The following SMARCAL1 variants were observed in gnomAD, a reference collection of about 807,000 sequenced individuals.
SMARCAL1 encodes the protein SNF2 related chromatin remodeling annealing helicase 1.
A neutral mutation model predicts 94.5 loss-of-function variants in SMARCAL1; 58 were observed. The observed-to-expected ratio is 0.61, with a 90% CI of 0.50 to 0.76. The LOEUF (loss-of-function observed/expected upper bound fraction) is 0.76, where lower values mean the gene tolerates loss of function less well. Ranked by LOEUF, SMARCAL1 falls within the 30% of genes least tolerant of loss-of-function variation. SMARCAL1 has a pLI of 0.00. For missense variants in SMARCAL1, 1,051 were observed against 1,177.9 expected, an observed-to-expected ratio of 0.89 and a Z score of 1.58; for synonymous variants, 422 against 455.1, an observed-to-expected ratio of 0.93 and a Z score of 0.93.
intron 13 of SMARCAL1, 47 bp from the exon 14 acceptor site, chr2:216,467,897 A>AT: frequency 2.7e-6 from 3 of 1,130,880 alleles, no homozygotes; most frequent in Non-Finnish European, 4.0e-6. Context: ...CACATAAAAC[A>AT]TAAGGAGTAT....
At position 216,414,711 on chromosome 2, in the gene SMARCAL1, T is replaced by G. The variant is rs776954061; in HGVS notation, c.7T>G (p.Leu3Val). 1 of 1,613,756 alleles carries G rather than the reference T, an allele frequency of 6.2e-7. No individual in the cohort carries two copies. Among genetic ancestry groups the G allele is most frequent in the African/African-American group, 1.3e-5 (1 of 74,938 alleles). The change falls in exon 3 of 18, where the codon TTG (leucine) becomes GTG (valine). Residue 3 changes from leucine to valine, a missense_variant. Coordinates refer to ENST00000357276, the MANE Select transcript of SMARCAL1 (RefSeq NM_014140.4). MSLPLTEEQRKKI... is the reference protein window; with the variant it reads MSVPLTEEQRKKI... ...TAAGCATTTCTCTGTGAAAATGTCC[T>G]TGCCTCTTACAGAGGAGCAGAGGAA...
intron 14 of SMARCAL1, among the ~76,000 whole-genome samples, chr2:216,473,028 G>A (rs948660259): frequency 1.3e-5 from 2 of 152,142 alleles, no homozygotes; most frequent in African/African-American, 4.8e-5. Flanking sequence ...TAGCATTCTT[G>A]AGGTATAATT....
chr2:216,435,343 C>G lies in SMARCAL1; in HGVS notation c.1491C>G (p.Phe497Leu). The part of the protein sequence containing the change: ...SSVRFTWEQA[F>L]LRWLPSLSPD... ...TTCCCTCCTGTCATCCACAGGCCTT[C>G]CTTCGGTGGCTGCCATCTCTGAGCC... The change falls in exon 9 of 18, where the codon TTC (phenylalanine) becomes TTG (leucine). Residue 497 changes from phenylalanine to leucine, a missense_variant. Physicochemically the swap from Phe to Leu is conservative, Grantham distance 22. Around this residue, in one of 3 missense-constraint regions of SMARCAL1, gnomAD observed 642 missense variants for 754.7 expected, o/e 0.85. Transcript: ENST00000357276. The G allele has an allele frequency of 6.2e-7, 1 of 1,614,106 alleles. No individual in the cohort carries two copies. Among genetic ancestry groups the G allele is most frequent in the East Asian group, 2.2e-5 (1 of 44,884 alleles).
intron 1 of SMARCAL1, 198 bp downstream of exon 1, chr2:216,412,846 T>G (rs2276665): frequency 0.41 from 62,706 of 151,962 alleles, 13,327 homozygotes; most frequent in South Asian, 0.48. Flanking sequence ...GGGGCAGAGG[T>G]CCCTGCCTAG....
intron 12 of SMARCAL1, among the ~76,000 whole-genome samples, chr2:216,455,454 A>G (rs1694543870): frequency 6.6e-6 from 1 of 152,214 alleles, no homozygotes; most frequent in Admixed American, 6.5e-5. Context: ...ACCCCTGAGT[A>G]GGGGCAGACT....
intron 6 of SMARCAL1, among the ~76,000 whole-genome samples, chr2:216,427,912 A>G (rs1173825098): frequency 1.3e-5 from 2 of 152,220 alleles, no homozygotes; most frequent in African/African-American, 2.4e-5. Context: ...AGGATTTCAA[A>G]TAATATTGGA....
At chr2:216,440,715 T>C (rs755398784) in intron 10 of SMARCAL1, among the ~76,000 whole-genome samples, 4 of 152,190 alleles carry the variant, frequency 2.6e-5, no homozygotes, top group Non-Finnish European at 5.9e-5. Flanking sequence ...CTCTGTCTTA[T>C]TGTATTTTCG....
intron 5 of SMARCAL1, among the ~76,000 whole-genome samples, chr2:216,422,853 A>G (rs1001986515): frequency 1.3e-5 from 2 of 152,232 alleles, no homozygotes; most frequent in African/African-American, 4.8e-5. Context: ...ATCAGCCACC[A>G]TTGGGTAGAA....
At chr2:216,429,730 G>A (rs189902769) in intron 7 of SMARCAL1, among the ~76,000 whole-genome samples, 26 of 152,076 alleles carry the variant, frequency 1.7e-4, no homozygotes, top group Non-Finnish European at 2.8e-4. Flanking sequence ...CTTGGCTACC[G>A]TCTCTGGCAG....
intron 12 of SMARCAL1, among the ~76,000 whole-genome samples, chr2:216,455,299 GC>G: frequency 6.6e-6 from 1 of 152,366 alleles, no homozygotes; most frequent in East Asian, 1.9e-4. Context: ...ACAAAAGGCA[GC>G]AGAAACCTCT....
chr2:216,476,110 A>G (rs1250937329), intron 15 of SMARCAL1, among the ~76,000 whole-genome samples: 1 of 152,112 alleles, frequency 6.6e-6, no homozygotes, highest in Non-Finnish European at 1.5e-5. Context: ...CACCTGACCA[A>G]CTGAGGACAG....
chr2:216,429,115 G>T (rs915292212), intron 7 of SMARCAL1, among the ~76,000 whole-genome samples: 1 of 152,204 alleles, frequency 6.6e-6, no homozygotes, highest in Non-Finnish European at 1.5e-5. Context: ...TCTCAGATCT[G>T]CTTTCTGTTT....
intron 10 of SMARCAL1, among the ~76,000 whole-genome samples, chr2:216,445,060 C>T (rs1340835052): frequency 6.6e-6 from 1 of 152,152 alleles, no homozygotes; most frequent in Non-Finnish European, 1.5e-5. Context: ...TCTTCGATTT[C>T]TTGGGTGTTG....
intron 7 of SMARCAL1, among the ~76,000 whole-genome samples, chr2:216,432,228 A>G (rs950507819): frequency 3.3e-5 from 5 of 152,064 alleles, no homozygotes; most frequent in African/African-American, 1.2e-4. Context: ...TCCTGACCTC[A>G]GGTGATCCGC....
At chr2:216,451,717 A>G (rs1029016208) in intron 12 of SMARCAL1, 2 of 155,206 alleles carry the variant, frequency 1.3e-5, no homozygotes, top group African/African-American at 4.8e-5. Context: ...TGTTTTCACT[A>G]TGATGGTTTT....
At chr2:216,453,774 T>C (rs1694498710) in intron 12 of SMARCAL1, among the ~76,000 whole-genome samples, 1 of 152,238 alleles carries the variant, frequency 6.6e-6, no homozygotes, top group Non-Finnish European at 1.5e-5. Context: ...CAAATCATGG[T>C]GACTCCAGCC....
chr2:216,467,036 G>A (rs567185092), intron 13 of SMARCAL1, among the ~76,000 whole-genome samples: 1 of 152,262 alleles, frequency 6.6e-6, no homozygotes, highest in African/African-American at 2.4e-5. Context: ...CCTGTACTGG[G>A]CTTACCTCTT....
At chr2:216,457,652 A>G (rs1694600218) in intron 12 of SMARCAL1, among the ~76,000 whole-genome samples, 1 of 152,248 alleles carries the variant, frequency 6.6e-6, no homozygotes. Flanking sequence ...GAACAAAGAC[A>G]GAACATACCA....
intron 8 of SMARCAL1, among the ~76,000 whole-genome samples, chr2:216,433,407 C>A (rs1694008126): frequency 6.6e-6 from 1 of 152,016 alleles, no homozygotes; most frequent in Non-Finnish European, 1.5e-5. Flanking sequence ...ATATTTTTAC[C>A]TCCTGTATTT....
Sources: allele counts gnomAD v4.1 joint callset (sites outside exome capture counted in the v4.1 genomes callset), GRCh38; gene constraint gnomAD v4.1.1; regional missense constraint gnomAD v4.1.1; transcripts MANE v1.5; gene names NCBI Gene and HGNC (gene_info 2026-07-23, HGNC 2026-07-21).